KLC3: variants seen among roughly 807,000 people sequenced by gnomAD.
KLC3 encodes kinesin light chain 2.
KLC3 carries 72 observed loss-of-function variants against 62.9 expected under a neutral mutation model. The observed-to-expected ratio is 1.15, with a 90% CI of 0.95 to 1.39. The LOEUF is 1.39. Ranked by LOEUF, KLC3 falls within the 40% of genes most tolerant of loss-of-function variation. The pLI is 0.00. For missense variants in KLC3, 848 were observed against 691.6 expected (o/e 1.23, Z -2.54); for synonymous variants, 377 against 300.5 (o/e 1.25, Z -2.63).
In KLC3 at chr19:45,348,032, C is replaced by A. The variant is rs377345956; in HGVS notation, c.651C>A (p.Tyr217Ter). The A allele has an allele frequency of 1.2e-6, 2 of 1,606,716 alleles. No individual in the cohort carries two copies. Among genetic ancestry groups the A allele is most frequent in the African/African-American group, 2.7e-5 (2 of 74,804 alleles). ...CCCTGCATAACCTCGTGATCCAGTA[C>A]GCGGGGCAGGGCCGCTATGAGGTGG... ...LRTLHNLVIQ[Y>*]AGQGRYEVAV... Residue 217 changes from tyrosine to a stop codon, truncating the protein, a stop_gained, in exon 5 of 13, where the codon TAC becomes TAA. Transcript: ENST00000391946. LOFTEE classifies it high-confidence loss of function.
Position 45,347,508 on chromosome 19 carries a change from A to G in KLC3, c.551A>G (p.Glu184Gly). The G allele has an allele frequency of 6.2e-7, 1 of 1,611,118 alleles. No individual in the cohort carries two copies. Among genetic ancestry groups the G allele is most frequent in the Non-Finnish European group, 8.5e-7 (1 of 1,178,798 alleles). ...TCCCTGTTCCCCAGCGAGGAGGAGG[A>G]GAGGAAAGGTGGGTGTTGGGAGTAC... is the stretch of plus-strand genomic sequence containing the variant. ...LASLFPSEEE[E>G]RKGPEAAGAA... The change falls in exon 4 of 13, where the codon GAG becomes GGG. Residue 184 changes from glutamate to glycine, a missense_variant. Coordinates refer to ENST00000391946, the MANE Select transcript of KLC3 (RefSeq NM_177417.3).
chr19:45,345,823 C>A, intron 2 of KLC3, 24 bp downstream of exon 2: 1 of 1,523,586 alleles, frequency 6.6e-7, no homozygotes, highest in Non-Finnish European at 8.8e-7. Flanking sequence ...AGGTGGGGAG[C>A]TGGGGGAAGG....
In KLC3 at chr19:45,350,737, G is replaced by A. The variant is rs749751289; in HGVS notation, c.1369G>A (p.Gly457Arg). The A allele has an allele frequency of 6.2e-7, 1 of 1,611,070 alleles. No homozygotes were observed. Among genetic ancestry groups the A allele is most frequent in the Admixed American group, 1.7e-5 (1 of 59,446 alleles). ...VSRLRGEAAA[G>R]AAGMKRAMSL... ...CCGGCTCCGAGGCGAGGCGGCGGCA[G>A]GAGCAGCCGGGTGAGTGTTGATCAG... Residue 457 changes from glycine (G) to arginine (R), a missense_variant, in exon 11 of 13, where the codon GGA becomes AGA. Gly to Arg is a moderately radical substitution (Grantham distance 125). Transcript: ENST00000391946.
At chr19:45,341,628 C>T (rs185244577) in intron 1 of KLC3, among the ~76,000 whole-genome samples, 28 of 145,174 alleles carry the variant, frequency 1.9e-4, no homozygotes, top group African/African-American at 6.9e-4. Context: ...TGATAGGTGA[C>T]TATGATTGAC....
rs759340919 is a variant in KLC3, at chr19:45,349,631, A to G, written c.1143+29A>G. On this transcript the variant is annotated intron_variant, in intron 8 of 12. Transcript: ENST00000391946. ...AGGCCCCTGGGGCTCAGAGTGGGCC[A>G]AGAGTGGAGGGTCCTGCCCTGGGGA... The G allele has an allele frequency of 2.0e-6, 3 of 1,500,834 alleles. No homozygotes were observed. In the Admixed American group the frequency reaches 5.5e-5, roughly 28 times the overall value. 93.0% of individuals were successfully genotyped at this position (1,500,834 alleles called of 1,614,324 possible).
chr19:45,341,690 C>T (rs894921642), intron 1 of KLC3, among the ~76,000 whole-genome samples: 2 of 148,392 alleles, frequency 1.3e-5, no homozygotes, highest in African/African-American at 5.0e-5. Context: ...GAACTGTGTC[C>T]AGAAGTGGAG....
At chr19:45,345,481 CAACT>C (rs1568521417) in intron 1 of KLC3, 49 bp from the exon 2 acceptor site, 1 of 1,549,678 alleles carries the variant, frequency 6.5e-7, no homozygotes, top group South Asian at 1.2e-5. Flanking sequence ...GGCTGGGGGC[CAACT>C]GACTGGCCCG....
At chr19:45,350,802 A>ACCCCCCCCCCCCC (rs1340007584) in intron 11 of KLC3, 55 bp downstream of exon 11, 1 of 798,432 alleles carries the variant, frequency 1.3e-6, no homozygotes, top group African/African-American at 2.0e-5. Context: ...TCCACAGCCC[A>ACCCCCCCCCCCCC]CCCCACCCCC....
At chr19:45,350,600 T>C (rs1971693555) in intron 10 of KLC3, 41 bp from the exon 11 acceptor site, 1 of 1,613,438 alleles carries the variant, frequency 6.2e-7, no homozygotes, top group African/African-American at 1.3e-5. Context: ...GGGGACTGCA[T>C]GGGCCTGGGG....
intron 8 of KLC3, 101 bp downstream of exon 8, chr19:45,349,703 G>GGGCCCCCCC: frequency 1.2e-6 from 1 of 821,008 alleles, no homozygotes; most frequent in Non-Finnish European, 1.8e-6. Flanking sequence ...GGGTGGGGGG[G>GGGCCCCCCC]GGCCCCCCAG....
chr19:45,347,953 CA>C lies in KLC3; in HGVS notation c.573del (p.Gly192GlufsTer23), dbSNP rs770707130. The C allele has an allele frequency of 1.8e-5, 29 of 1,604,020 alleles. No individual in the cohort carries two copies. The Admixed American group carries it at 4.8e-4, about 26-fold the overall frequency. On this transcript the variant is annotated frameshift_variant, in exon 5 of 13. Transcript: ENST00000391946. LOFTEE classifies it high-confidence loss of function. ...EEEERKGPEAAGAAAAQQGGY... is the reference protein window; with the variant it reads ...EEEERKGPEAXGAAAAQQGGY... ...CCACCCCACCTAGGTCCTGAGGCCG[CA>C]GGAGCAGCAGCTGCTCAGCAGGGTG...
At chr19:45,351,232 A>T in intron 12 of KLC3, 54 bp from the exon 13 acceptor site, 1 of 1,590,008 alleles carries the variant, frequency 6.3e-7, no homozygotes, top group South Asian at 1.1e-5. Context: ...TGGAGGGTGG[A>T]TGTAACACTT....
intron 8 of KLC3, 178 bp downstream of exon 8, chr19:45,349,780 G>GCGTAA: frequency 1.6e-6 from 1 of 611,438 alleles, no homozygotes; most frequent in Non-Finnish European, 2.7e-6. Context: ...ATCAGGAAAC[G>GCGTAA]CGTAAGTCCA....
At chr19:45,351,221 C>A in intron 12 of KLC3, 65 bp from the exon 13 acceptor site, 1 of 1,591,382 alleles carries the variant, frequency 6.3e-7, no homozygotes, top group Non-Finnish European at 8.6e-7. Context: ...GGACCTGGAG[C>A]TGGAGGGTGG....
Position 45,345,805 on chromosome 19 carries a change from A to T in KLC3, c.258+6A>T. 2.1e-6 allele frequency: 3 copies of T among 1,426,794 alleles called. No individual in the cohort carries two copies. Among genetic ancestry groups the T allele is most frequent in the South Asian group, 1.4e-5 (1 of 71,954 alleles). 88.4% of individuals were successfully genotyped at this position (1,426,794 alleles called of 1,614,324 possible). A position where few individuals can be genotyped will look rare whatever the true frequency, so the allele number is the denominator to read the frequency against. On this transcript the variant is annotated splice_donor_region_variant and intron_variant, in intron 2 of 12. Transcript: ENST00000391946. The stretch of plus-strand genomic sequence containing the variant: ...TGGGGCTGGGCGAGGCCCAGGTATG[A>T]GGGGGCCAGGTGGGGAGCTGGGGGA...
rs1013594424 is a variant in KLC3 at position 45,347,615 on chromosome 19, A to AGGTGAGGGCAG, written c.559+107_559+117dup. On this transcript the variant is annotated intron_variant, in intron 4 of 12. Coordinates refer to ENST00000391946, the MANE Select transcript of KLC3 (RefSeq NM_177417.3). Reference sequence around the variant, plus strand: ...AAAATCTCTGAGCCAGGGGATGGGGAGGTGAGGGCAGGGTGAGGAGGACCC... The same window carrying AGGTGAGGGCAG: ...AAAATCTCTGAGCCAGGGGATGGGGAGGTGAGGGCAGGGTGAGGGCAGGGTGAGGAGGACCC... The AGGTGAGGGCAG allele has an allele frequency of 6.3e-6, 7 of 1,109,962 alleles. No individual in the cohort carries two copies. In the African/African-American group the frequency reaches 7.8e-5, roughly 12 times the overall value. The allele number at this position is 1,109,962 out of a possible 1,614,324, so 68.8% of individuals were successfully genotyped here.
chr19:45,341,186 TTGTGTGTGTGTG>T (rs113240301), intron 1 of KLC3, among the ~76,000 whole-genome samples: 11 of 111,926 alleles, frequency 9.8e-5, no homozygotes, highest in South Asian at 7.9e-4. Flanking sequence ...CTGCCTGTGT[TTGTGTGTGTGTG>T]TGTGTGTGTG....
At chr19:45,349,951 C>T (rs895183405) in intron 8 of KLC3, 5 of 410,282 alleles carry the variant, frequency 1.2e-5, no homozygotes, top group Non-Finnish European at 2.2e-5. Flanking sequence ...CTCCACTTTG[C>T]GTGTGGGAAG....
chr19:45,342,058 G>A (rs1424752434), intron 1 of KLC3, among the ~76,000 whole-genome samples: 1 of 152,058 alleles, frequency 6.6e-6, no homozygotes, highest in Non-Finnish European at 1.5e-5. Context: ...GACACAGCCC[G>A]AGTGCTGGAT....
Sources: allele counts gnomAD v4.1 joint callset (sites outside exome capture counted in the v4.1 genomes callset), GRCh38; gene constraint gnomAD v4.1.1; transcripts MANE v1.5; gene names NCBI Gene and HGNC (gene_info 2026-07-23, HGNC 2026-07-21).